Variants in TUT4 observed in about 807,000 individuals in gnomAD.
The protein encoded by TUT4 is terminal uridylyltransferase 4.
TUT4 carries 36 observed loss-of-function variants against 192.2 expected under a neutral mutation model. That is an observed-to-expected ratio of 0.19 (90% CI 0.14 to 0.25). TUT4 has a LOEUF of 0.25. Ranked by LOEUF, TUT4 falls within the 10% of genes least tolerant of loss-of-function variation. TUT4 has a pLI of 1.00. For synonymous variants in TUT4, 618 were observed against 666.0 expected (o/e 0.93, Z 1.11); for missense variants, 1,493 against 1,957.2 (o/e 0.76, Z 4.47).
chr1:52,531,464 G>A (rs560146411), intron 1 of TUT4, among the ~76,000 whole-genome samples: 30 of 152,140 alleles, frequency 2.0e-4, no homozygotes, highest in Non-Finnish European at 2.8e-4. Context: ...AATCTGATTC[G>A]TGTCAGTCTC....
intron 15 of TUT4, among the ~76,000 whole-genome samples, chr1:52,465,536 C>G (rs1663857816): frequency 6.6e-6 from 1 of 152,230 alleles, no homozygotes; most frequent in Non-Finnish European, 1.5e-5. Context: ...TAATATCTGT[C>G]TCTCAATGTC....
chr1:52,428,942 A>G (rs1418556062), intron 28 of TUT4, among the ~76,000 whole-genome samples: 1 of 152,164 alleles, frequency 6.6e-6, no homozygotes, highest in Non-Finnish European at 1.5e-5. Flanking sequence ...TTGATCAGTC[A>G]AGTCAAAAAT....
chr1:52,430,173 T>C (rs1465819634), intron 28 of TUT4, among the ~76,000 whole-genome samples: 1 of 152,230 alleles, frequency 6.6e-6, no homozygotes, highest in African/African-American at 2.4e-5. Context: ...TTTTTCTTTT[T>C]TAAAGAATTG....
At chr1:52,509,823 G>T in intron 3 of TUT4, 111 bp from the exon 4 acceptor site, 2 of 736,250 alleles carry the variant, frequency 2.7e-6, no homozygotes, top group South Asian at 1.6e-5. Flanking sequence ...AAGCACTGAA[G>T]GTTTTTTCTT....
intron 11 of TUT4, among the ~76,000 whole-genome samples, chr1:52,479,732 C>T (rs539266410): frequency 2.6e-5 from 4 of 152,242 alleles, no homozygotes; most frequent in South Asian, 2.1e-4. Context: ...CGGAGGCTCA[C>T]GCCTGTAATC....
rs754441385 is a variant in TUT4 at position 52,497,154 on chromosome 1, A to G, written c.1029T>C (p.Ser343=). ...LEKQEESELR[S]LPPPSPAHLA... ...AGTGGGCAGGGGAAGGAGGTGGCAG[A>G]GAACGAAGCTCACTTTCTTCTTGTT... Residue 343 remains serine (S), a synonymous_variant, in exon 5 of 30, where the codon TCT becomes TCC. Transcript: ENST00000257177. 25 of 1,607,194 alleles carry G rather than the reference A, an allele frequency of 1.6e-5. No individual in the cohort carries two copies.
In TUT4 at chr1:52,496,919, A is replaced by G. The variant is rs543907269; in HGVS notation, c.1177+87T>C. The G allele has an allele frequency of 3.0e-4, 389 of 1,295,276 alleles. 1 individual carries two copies. Among genetic ancestry groups the G allele is most frequent in the Admixed American group, 4.3e-4 (15 of 35,118 alleles). 80.2% of individuals were successfully genotyped at this position (1,295,276 alleles called of 1,614,324 possible). ...TCTACTTTTAAGGAGAAAAGGGAAG[A>G]AAAACATTAAGAAATGTACTCTAGT... On this transcript the variant is annotated intron_variant, in intron 5 of 29. Transcript: ENST00000257177.
chr1:52,480,536 C>A (rs999771018), intron 11 of TUT4, among the ~76,000 whole-genome samples: 1 of 152,084 alleles, frequency 6.6e-6, no homozygotes, highest in Non-Finnish European at 1.5e-5. Context: ...TAAGAAGTTT[C>A]GCTGCAAAAG....
intron 24 of TUT4, among the ~76,000 whole-genome samples, chr1:52,444,899 A>ATATATATATGTATATACATGTATGTG (rs1174947948): frequency 3.1e-4 from 41 of 134,236 alleles, no homozygotes; most frequent in South Asian, 2.7e-3. Context: ...ATATGTGTGT[A>ATATATATATGTATATACATGTATGTG]TATATATATG....
intron 1 of TUT4, among the ~76,000 whole-genome samples, chr1:52,527,094 A>G (rs1289975460): frequency 6.6e-6 from 1 of 152,140 alleles, no homozygotes; most frequent in Non-Finnish European, 1.5e-5. Flanking sequence ...TAAATGGTAA[A>G]ATCTTGCCCA....
intron 2 of TUT4, among the ~76,000 whole-genome samples, chr1:52,519,795 C>T (rs989505951): frequency 2.0e-5 from 3 of 152,134 alleles, no homozygotes; most frequent in African/African-American, 7.2e-5. Context: ...AGGCGCGAGC[C>T]ACTGCACCTG....
rs1269655901 is a variant in TUT4 at position 52,497,079 on chromosome 1, T to C, written c.1104A>G (p.Ile368Met). The C allele has an allele frequency of 4.3e-6, 7 of 1,614,144 alleles. No homozygotes were observed. The highest frequency in any genetic ancestry group is 5.9e-6 in the Non-Finnish European group (7 of 1,179,994). ...AVIELAKEHG[I>M]TDDDLRVRQE... ...GACGGACTCTGAGGTCATCATCTGT[T>C]ATTCCATGTTCTTTTGCTAATTCAA... The change falls in exon 5 of 30, where the codon ATA becomes ATG. Residue 368 changes from isoleucine to methionine, a missense_variant. Transcript: ENST00000257177.
intron 13 of TUT4, among the ~76,000 whole-genome samples, chr1:52,473,711 T>A (rs960793604): frequency 2.0e-5 from 3 of 152,214 alleles, no homozygotes; most frequent in Non-Finnish European, 4.4e-5. Flanking sequence ...TGTTTTTTTT[T>A]AATATTCTAC....
At chr1:52,479,570 G>A (rs528423864) in intron 11 of TUT4, among the ~76,000 whole-genome samples, 34 of 152,238 alleles carry the variant, frequency 2.2e-4, no homozygotes, top group Admixed American at 2.6e-4. Flanking sequence ...AAGGTTAACC[G>A]AAAGGAACAT....
chr1:52,461,275 T>C (rs746904620), intron 18 of TUT4, 52 bp from the exon 19 acceptor site: 48 of 1,509,534 alleles, frequency 3.2e-5, no homozygotes, highest in Non-Finnish European at 4.2e-5. Flanking sequence ...AAAATTAAAC[T>C]ACAAATCAGA....
At chr1:52,481,397 C>CA (rs762601831) in intron 11 of TUT4, 26 bp downstream of exon 11, 81 of 1,608,842 alleles carry the variant, frequency 5.0e-5, no homozygotes, top group Non-Finnish European at 6.5e-5. Context: ...ATAGAAAAGC[C>CA]AAAAAACAAA....
Position 52,461,727 on chromosome 1 carries a change from G to T in TUT4, c.3112C>A (p.Leu1038Ile). Residue 1038 changes from leucine to isoleucine, a missense_variant, in exon 17 of 30, where the codon CTT (leucine) becomes ATT (isoleucine). By Grantham distance (5) the Leu-to-Ile change is conservative. Around this residue, in one of 7 missense-constraint regions of TUT4, gnomAD observed 141 missense variants for 382.7 expected, o/e 0.37. Transcript: ENST00000257177. ...KEIIENLAKI[L>I]KRHPGLRNIL... ...AAATTCATACCTGGATGTCTCTTAA[G>T]AATTTTTGCCAAATTTTCAATTATT... 1 of 1,493,950 alleles carries T rather than the reference G, an allele frequency of 6.7e-7. No individual in the cohort carries two copies. The allele number at this position is 1,493,950 out of a possible 1,614,324, so 92.5% of individuals were successfully genotyped here.
At chr1:52,470,024 G>A (rs1417858965) in intron 14 of TUT4, among the ~76,000 whole-genome samples, 1 of 152,046 alleles carries the variant, frequency 6.6e-6, no homozygotes, top group African/African-American at 2.4e-5. Flanking sequence ...GTAACAGCAA[G>A]CACATCTAGT....
intron 24 of TUT4, among the ~76,000 whole-genome samples, chr1:52,442,664 T>C (rs567800038): frequency 2.0e-5 from 3 of 152,306 alleles, no homozygotes; most frequent in African/African-American, 7.2e-5. Flanking sequence ...GGCTTCAGAT[T>C]TGGAGTGCTC....
Sources: gnomAD v4.1 joint callset for allele counts (sites outside exome capture counted in the v4.1 genomes callset) on GRCh38, gnomAD v4.1.1 for gene constraint, gnomAD v4.1.1 regional missense constraint, MANE v1.5 for transcripts, NCBI Gene and HGNC (gene_info 2026-07-23, HGNC 2026-07-21) for gene names.